Variants in FRY observed in about 807,000 individuals in gnomAD.
FRY encodes FRY microtubule binding protein.
FRY carries 128 observed loss-of-function variants against 348.4 expected under a neutral mutation model. The observed-to-expected ratio is 0.37, with a 90% CI of 0.32 to 0.43. The LOEUF is 0.43. Among genes scored for constraint, FRY ranks in the 20% least tolerant of loss-of-function variants. The pLI, the probability that FRY is intolerant of heterozygous loss-of-function variation, is 1.00. For synonymous variants in FRY, 1,370 were observed against 1,374.7 expected (o/e 1.00, Z 0.08); for missense variants, 2,736 against 3,695.2 (o/e 0.74, Z 6.73).
At chr13:32,224,739 A>G (rs1227322889) in intron 37 of FRY, among the ~76,000 whole-genome samples, 194 bp from the exon 38 acceptor site, 1 of 152,138 alleles carries the variant, frequency 6.6e-6, no homozygotes, top group Non-Finnish European at 1.5e-5. Flanking sequence ...CCTTTATGTG[A>G]TTAGCTCAAC....
At chr13:32,244,011 G>T in intron 46 of FRY, 31 bp from the exon 47 acceptor site, 1 of 1,612,178 alleles carries the variant, frequency 6.2e-7, no homozygotes. Context: ...TCTGGTGTGT[G>T]ACTGACTCCA....
chr13:32,090,070 C>T (rs562566771), intron 2 of FRY, among the ~76,000 whole-genome samples: 4 of 152,066 alleles, frequency 2.6e-5, no homozygotes, highest in South Asian at 2.1e-4. Context: ...AAACCACAGC[C>T]GGGCGCTGTG....
chr13:32,103,128 GCCCTGCAACGGTGGCGT>G (rs1877275626), intron 3 of FRY, among the ~76,000 whole-genome samples: 1 of 152,238 alleles, frequency 6.6e-6, no homozygotes, highest in African/African-American at 2.4e-5. Context: ...CTCACAGCCA[GCCCTGCAACGGTGGCGT>G]GGCTCTGGGC....
At chr13:32,265,371 A>AG in intron 53 of FRY, 79 bp from the exon 54 acceptor site, 3 of 1,354,552 alleles carry the variant, frequency 2.2e-6, no homozygotes, top group Non-Finnish European at 2.1e-6. Context: ...AGTCTCTCTT[A>AG]TTTGTTCCTT....
intron 34 of FRY, among the ~76,000 whole-genome samples, chr13:32,211,385 C>T (rs562801627): frequency 2.1e-4 from 32 of 152,228 alleles, no homozygotes; most frequent in African/African-American, 7.0e-4. Context: ...CTTGAACCCA[C>T]GAGGCAGAGG....
At chr13:32,037,216 T>C (rs1760133977) in intron 1 of FRY, among the ~76,000 whole-genome samples, 1 of 152,200 alleles carries the variant, frequency 6.6e-6, no homozygotes, top group African/African-American at 2.4e-5. Flanking sequence ...ATTCACAAAA[T>C]AGGATTATAG....
intron 43 of FRY, among the ~76,000 whole-genome samples, chr13:32,236,895 GT>G (rs1294596457): frequency 6.6e-6 from 1 of 152,026 alleles, no homozygotes; most frequent in Non-Finnish European, 1.5e-5. Flanking sequence ...TTGACAAAGA[GT>G]TTTACCTTTT....
chr13:32,185,072 C>A lies in FRY; in HGVS notation c.3243C>A (p.Asp1081Glu). 6.2e-7 allele frequency: 1 copy of A among 1,613,904 alleles called. No individual in the cohort carries two copies. The highest frequency in any genetic ancestry group is 8.5e-7 in the Non-Finnish European group (1 of 1,179,814). Reference protein sequence around the residue: ...LTRMLLEAENDKEVEILKDIR... With the variant: ...LTRMLLEAENEKEVEILKDIR... ...GCATGCTCCTAGAAGCTGAAAATGA[C>A]AAAGAAGTTGAAATTCTTAAAGATA... Residue 1081 changes from aspartate (D) to glutamate (E), a missense_variant, in exon 26 of 61, where the codon GAC (aspartate) becomes GAA (glutamate). This residue lies in a region of FRY where 449 missense variants were observed against 576.9 expected (regional missense o/e 0.78). Coordinates refer to ENST00000542859, the MANE Select transcript of FRY (RefSeq NM_023037.3).
chr13:32,274,776 A>C, intron 55 of FRY, 66 bp from the exon 56 acceptor site: 1 of 1,256,144 alleles, frequency 8.0e-7, no homozygotes, highest in East Asian at 2.3e-5. Context: ...CCCCTCCCCC[A>C]AAATATGTTT....
intron 4 of FRY, among the ~76,000 whole-genome samples, chr13:32,122,715 G>C (rs1472299615): frequency 1.3e-5 from 2 of 152,036 alleles, no homozygotes; most frequent in African/African-American, 4.8e-5. Flanking sequence ...AGAAATAAAG[G>C]GCATCCATAT....
At chr13:32,166,248 T>C (rs1186302634) in intron 17 of FRY, among the ~76,000 whole-genome samples, 1 of 152,210 alleles carries the variant, frequency 6.6e-6, no homozygotes, top group Non-Finnish European at 1.5e-5. Context: ...AGTCTTTCTG[T>C]TCCCTCTTAA....
intron 58 of FRY, among the ~76,000 whole-genome samples, chr13:32,288,730 A>G (rs1032497706): frequency 2.0e-5 from 3 of 152,226 alleles, no homozygotes; most frequent in African/African-American, 7.2e-5. Context: ...CACATATTTA[A>G]TCCACTTTCA....
chr13:32,034,385 T>G (rs1399807041), intron 1 of FRY, among the ~76,000 whole-genome samples: 1 of 152,216 alleles, frequency 6.6e-6, no homozygotes, highest in Non-Finnish European at 1.5e-5. Context: ...ATGTACTAGC[T>G]TTCATTCGAT....
intron 14 of FRY, among the ~76,000 whole-genome samples, chr13:32,150,069 A>G (rs1880705074): frequency 6.6e-6 from 1 of 152,228 alleles, no homozygotes; most frequent in South Asian, 2.1e-4. Context: ...CTGTTCTTGT[A>G]AAACAAAGTA....
intron 11 of FRY, 91 bp downstream of exon 11, chr13:32,137,063 G>T: frequency 3.9e-6 from 3 of 778,336 alleles, no homozygotes; most frequent in Non-Finnish European, 4.7e-6. Context: ...GACTCCTGAT[G>T]TTTGCCAGGG....
chr13:32,287,953 G>A (rs558159032), intron 58 of FRY: 41 of 587,854 alleles, frequency 7.0e-5, no homozygotes, highest in South Asian at 3.3e-4. Flanking sequence ...TATTTTTACC[G>A]TTACTGTTAC....
intron 22 of FRY, among the ~76,000 whole-genome samples, 172 bp from the exon 23 acceptor site, chr13:32,179,503 T>TTGTGTGTGTGTGTGTGTGTGTGTGTGTG (rs10628771): frequency 7.3e-6 from 1 of 137,552 alleles, no homozygotes; most frequent in Non-Finnish European, 1.6e-5. Flanking sequence ...TGTATTAAAT[T>TTGTGTGTGTGTGTGTGTGTGTGTGTGTG]TGTGTGTGTG....
intron 29 of FRY, among the ~76,000 whole-genome samples, chr13:32,201,084 T>A (rs569320957): frequency 1.3e-5 from 2 of 152,236 alleles, no homozygotes; most frequent in Non-Finnish European, 2.9e-5. Flanking sequence ...GGTCATCTTC[T>A]GAACCCACCT....
chr13:32,136,046 A>AAAAAC (rs929479834), intron 10 of FRY, among the ~76,000 whole-genome samples: 6 of 152,176 alleles, frequency 3.9e-5, no homozygotes, highest in African/African-American at 1.4e-4. Flanking sequence ...ATTTAAAAAA[A>AAAAAC]AACGACTAAT....
Sources: allele counts gnomAD v4.1 joint callset (sites outside exome capture counted in the v4.1 genomes callset), GRCh38; gene constraint gnomAD v4.1.1; regional missense constraint gnomAD v4.1.1; transcripts MANE v1.5; gene names NCBI Gene and HGNC (gene_info 2026-07-23, HGNC 2026-07-21).